NRDC: variants seen among roughly 807,000 people sequenced by gnomAD.
NRDC encodes the protein nardilysin.
In NRDC, 54 loss-of-function variants were observed where a neutral mutation model predicts 147.1. That is an observed-to-expected ratio of 0.37 (90% CI 0.29 to 0.46). NRDC has a LOEUF of 0.46. NRDC is among the 20% of genes least tolerant of loss of function. The pLI is 1.00. For synonymous variants in NRDC, 440 were observed against 482.1 expected (o/e 0.91, Z 1.14); for missense variants, 1,082 against 1,370.6 (o/e 0.79, Z 3.33).
intron 1 of NRDC, among the ~76,000 whole-genome samples, chr1:51,843,480 T>C (rs868826848): frequency 1.2e-4 from 18 of 152,230 alleles, no homozygotes; most frequent in Non-Finnish European, 2.2e-4. Context: ...TACAAGTTGC[T>C]GCCCCTACAG....
chr1:51,821,644 C>A, intron 7 of NRDC, 89 bp from the exon 8 acceptor site: 1 of 931,574 alleles, frequency 1.1e-6, no homozygotes, highest in Non-Finnish European at 1.7e-6. Flanking sequence ...AGATCTTTAG[C>A]TAAAAAACAA....
chr1:51,802,067 G>A (rs1353758458), intron 20 of NRDC, among the ~76,000 whole-genome samples: 3 of 152,184 alleles, frequency 2.0e-5, no homozygotes, highest in South Asian at 4.1e-4. Context: ...GATTACAGGC[G>A]TGAGCCACCG....
intron 1 of NRDC, among the ~76,000 whole-genome samples, chr1:51,857,333 G>A (rs1245967146): frequency 6.6e-6 from 1 of 152,128 alleles, no homozygotes; most frequent in Non-Finnish European, 1.5e-5. Flanking sequence ...TCTGTTTTCT[G>A]TACATCACTT....
At chr1:51,837,507 C>A in intron 2 of NRDC, 1 of 1,590,294 alleles carries the variant, frequency 6.3e-7, no homozygotes, top group Non-Finnish European at 8.6e-7. Flanking sequence ...CTCCAACTAC[C>A]CCATAAAGAT....
chr1:51,873,058 T>C (rs1236150369), intron 1 of NRDC, among the ~76,000 whole-genome samples: 1 of 152,136 alleles, frequency 6.6e-6, no homozygotes, highest in Non-Finnish European at 1.5e-5. Context: ...GTGTGTGAAA[T>C]GAAACACACA....
intron 24 of NRDC, among the ~76,000 whole-genome samples, 193 bp downstream of exon 24, chr1:51,794,279 A>G (rs1678782959): frequency 6.6e-6 from 1 of 152,186 alleles, no homozygotes; most frequent in South Asian, 2.1e-4. Flanking sequence ...TGATTAATGA[A>G]GCAATACCTC....
chr1:51,812,314 G>A (rs1166756336), intron 14 of NRDC, among the ~76,000 whole-genome samples: 6 of 152,182 alleles, frequency 3.9e-5, no homozygotes, highest in African/African-American at 1.4e-4. Context: ...GACAGAGGTG[G>A]TTAGATTACT....
At chr1:51,792,304 C>T (rs1301808003) in intron 25 of NRDC, 73 bp downstream of exon 25, 2 of 1,506,766 alleles carry the variant, frequency 1.3e-6, no homozygotes, top group African/African-American at 1.4e-5. Context: ...GTCCCTAACC[C>T]AGGCAGAAAA....
At chr1:51,796,875 C>G (rs550173140) in intron 22 of NRDC, among the ~76,000 whole-genome samples, 1 of 149,530 alleles carries the variant, frequency 6.7e-6, no homozygotes, top group African/African-American at 2.4e-5. Context: ...CGTGAGCCAC[C>G]GCGCCTGGCC....
intron 1 of NRDC, among the ~76,000 whole-genome samples, chr1:51,845,935 T>C (rs1426050525): frequency 6.6e-6 from 1 of 151,130 alleles, no homozygotes; most frequent in Non-Finnish European, 1.5e-5. Context: ...TGAAACAAAA[T>C]GAGACAAAAT....
At chr1:51,853,224 A>ATAT (rs891037272) in intron 1 of NRDC, among the ~76,000 whole-genome samples, 8 of 148,602 alleles carry the variant, frequency 5.4e-5, no homozygotes, top group South Asian at 2.1e-4. Flanking sequence ...TCCAAAAAAA[A>ATAT]ATATATATAT....
chr1:51,795,155 C>A, intron 22 of NRDC: 2 of 1,371,694 alleles, frequency 1.5e-6, no homozygotes, highest in Non-Finnish European at 1.9e-6. Flanking sequence ...TAGGCTGTGG[C>A]CTTTATGACA....
At chr1:51,831,087 C>A (rs1430978589) in intron 4 of NRDC, among the ~76,000 whole-genome samples, 2 of 152,088 alleles carry the variant, frequency 1.3e-5, no homozygotes, top group African/African-American at 4.8e-5. Flanking sequence ...AATGCAGTGG[C>A]TTTCTTATTG....
intron 1 of NRDC, among the ~76,000 whole-genome samples, chr1:51,843,169 C>T (rs78532246): frequency 0.066 from 9,998 of 150,728 alleles, 449 homozygotes; most frequent in Non-Finnish European, 0.092. Context: ...CAGAAGTAGA[C>T]AGCAATATGC....
intron 1 of NRDC, among the ~76,000 whole-genome samples, chr1:51,872,541 A>AT (rs1683133340): frequency 6.6e-6 from 1 of 152,070 alleles, no homozygotes; most frequent in Non-Finnish European, 1.5e-5. Flanking sequence ...AACTCTACAA[A>AT]AAAGGACAAA....
chr1:51,830,133 T>C (rs1375370369), intron 4 of NRDC, among the ~76,000 whole-genome samples: 1 of 151,896 alleles, frequency 6.6e-6, no homozygotes, highest in Non-Finnish European at 1.5e-5. Flanking sequence ...CCCGGCTAAT[T>C]TTTGTATTTT....
chr1:51,855,148 A>G (rs1324354047), intron 1 of NRDC, among the ~76,000 whole-genome samples: 2 of 152,136 alleles, frequency 1.3e-5, no homozygotes, highest in African/African-American at 4.8e-5. Context: ...TCAGTGTGTA[A>G]CCCTCCATGT....
At chr1:51,807,524 T>C (rs925925302) in intron 17 of NRDC, among the ~76,000 whole-genome samples, 2 of 152,012 alleles carry the variant, frequency 1.3e-5, no homozygotes, top group African/African-American at 4.8e-5. Flanking sequence ...CTGGGCAACA[T>C]AGAGAGACCA....
intron 22 of NRDC, 168 bp from the exon 23 acceptor site, chr1:51,795,022 T>C (rs779553655): frequency 7.8e-5 from 116 of 1,479,494 alleles, no homozygotes; most frequent in Non-Finnish European, 9.5e-5. Flanking sequence ...TGATTCAAGA[T>C]TGATTGTGTT....
Sources: gnomAD v4.1 joint callset for allele counts (sites outside exome capture counted in the v4.1 genomes callset) on GRCh38, gnomAD v4.1.1 for gene constraint, MANE v1.5 for transcripts, NCBI Gene and HGNC (gene_info 2026-07-23, HGNC 2026-07-21) for gene names.